CALCRL: variants seen among roughly 807,000 people sequenced by gnomAD.
CALCRL encodes the protein calcitonin receptor like receptor, also known as calcitonin gene-related peptide type 1 receptor.
In CALCRL, 27 loss-of-function variants were observed where a neutral mutation model predicts 60.4. That is an observed-to-expected ratio of 0.45 (90% CI 0.33 to 0.62). The LOEUF is 0.62. Ranked by LOEUF, CALCRL falls within the 20% of genes least tolerant of loss-of-function variation. The pLI is 0.03. For missense variants in CALCRL, 424 were observed against 540.7 expected (o/e 0.78, Z 2.14); for synonymous variants, 190 against 182.6 (o/e 1.04, Z -0.33).
intron 1 of CALCRL, among the ~76,000 whole-genome samples, chr2:187,430,462 G>T (rs1343636404): frequency 6.6e-6 from 1 of 152,126 alleles, no homozygotes; most frequent in African/African-American, 2.4e-5. Context: ...ACAAGTTAAT[G>T]CAGGACATTT....
chr2:187,352,091 C>G (rs749340059), intron 13 of CALCRL, 23 bp downstream of exon 13: 3 of 1,602,160 alleles, frequency 1.9e-6, no homozygotes, highest in Non-Finnish European at 2.6e-6. Context: ...TCTCAAGCTG[C>G]CTTCTTATCA....
intron 12 of CALCRL, among the ~76,000 whole-genome samples, chr2:187,354,647 A>G (rs1242026726): frequency 6.6e-6 from 1 of 152,040 alleles, no homozygotes; most frequent in African/African-American, 2.4e-5. Context: ...TCCGGACAGA[A>G]AAATAGGTTC....
intron 8 of CALCRL, among the ~76,000 whole-genome samples, chr2:187,366,021 A>C (rs1328591961): frequency 1.3e-5 from 2 of 151,828 alleles, no homozygotes; most frequent in African/African-American, 4.8e-5. Flanking sequence ...AGGCGGGTGG[A>C]TCATGAGGTC....
intron 3 of CALCRL, among the ~76,000 whole-genome samples, chr2:187,386,916 C>A (rs1688228299): frequency 1.3e-5 from 2 of 152,174 alleles, no homozygotes; most frequent in Admixed American, 1.3e-4. Context: ...CTCTTATCTG[C>A]TGCCATGATG....
rs774792248 is a variant in CALCRL at position 187,352,179 on chromosome 2, G to C, written c.1063C>G (p.Arg355Gly). ...TCCTCTGCAATCTTTCCTTCAGGTC[G>C]CCATGGAATCAGCACAAATTCAATG... ...LGIEFVLIPW[R>G]PEGKIAEEVY... The change falls in exon 13 of 15, where the codon CGA becomes GGA. Residue 355 changes from arginine to glycine, a missense_variant. Physicochemically the swap from Arg to Gly is moderately radical, Grantham distance 125. Coordinates refer to ENST00000392370, the MANE Select transcript of CALCRL (RefSeq NM_005795.6). 5.6e-6 allele frequency: 9 copies of C among 1,612,282 alleles called. No homozygotes were observed. Among genetic ancestry groups the C allele is most frequent in the Non-Finnish European group, 6.8e-6 (8 of 1,178,888 alleles).
chr2:187,411,095 A>T (rs775738390), intron 1 of CALCRL, among the ~76,000 whole-genome samples: 4 of 152,148 alleles, frequency 2.6e-5, no homozygotes, highest in Non-Finnish European at 4.4e-5. Context: ...ACCTTGCTAA[A>T]CAAATTTTCT....
chr2:187,386,934 C>T (rs989053817), intron 3 of CALCRL, among the ~76,000 whole-genome samples: 3 of 152,164 alleles, frequency 2.0e-5, no homozygotes, highest in African/African-American at 7.2e-5. Flanking sequence ...ATGTGATGTG[C>T]TTTTCACCTT....
At chr2:187,429,444 A>G (rs1690304164) in intron 1 of CALCRL, among the ~76,000 whole-genome samples, 1 of 152,226 alleles carries the variant, frequency 6.6e-6, no homozygotes, top group Non-Finnish European at 1.5e-5. Context: ...GTTTAGAGAC[A>G]GAAATTAGGA....
intron 14 of CALCRL, among the ~76,000 whole-genome samples, chr2:187,350,083 A>G (rs1281163304): frequency 1.3e-5 from 2 of 151,666 alleles, no homozygotes; most frequent in Admixed American, 1.3e-4. Flanking sequence ...CACAGCCAAG[A>G]TGAAAAGTAG....
At chr2:187,348,739 G>C (rs1326453196) in intron 14 of CALCRL, among the ~76,000 whole-genome samples, 1 of 151,488 alleles carries the variant, frequency 6.6e-6, no homozygotes, top group Admixed American at 6.6e-5. Context: ...AGACTTGTTT[G>C]TTTATGTTAT....
intron 1 of CALCRL, among the ~76,000 whole-genome samples, chr2:187,435,812 A>G (rs1415510359): frequency 6.6e-6 from 1 of 151,798 alleles, no homozygotes; most frequent in African/African-American, 2.4e-5. Flanking sequence ...ACACAAAGGA[A>G]TTTTGGAACA....
intron 1 of CALCRL, among the ~76,000 whole-genome samples, chr2:187,410,417 AAG>A (rs1162767699): frequency 6.6e-6 from 1 of 151,160 alleles, no homozygotes; most frequent in East Asian, 1.9e-4. Flanking sequence ...TTGAGAAAGA[AAG>A]AAAAAAAAAA....
In CALCRL at chr2:187,384,329, G is replaced by A. The variant is rs191193041; in HGVS notation, c.52-1024C>T. On this transcript the variant is annotated intron_variant, in intron 4 of 14. Coordinates refer to ENST00000392370, the MANE Select transcript of CALCRL (RefSeq NM_005795.6). ...GAAAATTAATATATTTGAAAAGCAC[G>A]TAACTCCTGTTCTTCCCAAAAAGTC... 4.3e-4 allele frequency among the ~76,000 whole-genome samples: 65 copies of A among 152,182 alleles called. 2 individuals are homozygous for A. In the East Asian group the frequency reaches 0.012, roughly 28 times the overall value.
intron 12 of CALCRL, among the ~76,000 whole-genome samples, chr2:187,358,049 G>A (rs1032673668): frequency 6.6e-6 from 1 of 152,046 alleles, no homozygotes; most frequent in Non-Finnish European, 1.5e-5. Context: ...TAGATTGCTA[G>A]TTTGTATTAA....
At chr2:187,393,243 A>G (rs1688522995) in intron 1 of CALCRL, among the ~76,000 whole-genome samples, 1 of 152,028 alleles carries the variant, frequency 6.6e-6, no homozygotes, top group Non-Finnish European at 1.5e-5. Flanking sequence ...AACCTTTTGG[A>G]GAAGAATTTA....
At chr2:187,388,413 G>A (rs1688294081) in intron 1 of CALCRL, among the ~76,000 whole-genome samples, 1 of 151,960 alleles carries the variant, frequency 6.6e-6, no homozygotes, top group South Asian at 2.1e-4. Context: ...TAGGATTTCT[G>A]TTAACAAAAA....
intron 8 of CALCRL, among the ~76,000 whole-genome samples, chr2:187,370,299 A>G (rs760979011): frequency 2.6e-5 from 4 of 152,258 alleles, no homozygotes; most frequent in Non-Finnish European, 5.9e-5. Flanking sequence ...AGAAAAATAA[A>G]CTGTCTATAA....
chr2:187,374,009 T>C (rs527886542), intron 8 of CALCRL, among the ~76,000 whole-genome samples: 2 of 152,012 alleles, frequency 1.3e-5, no homozygotes, highest in Non-Finnish European at 2.9e-5. Flanking sequence ...GAAAAAAATA[T>C]TTAAAAAATT....
rs572830398 is a variant in CALCRL, at chr2:187,408,045, A to T, written c.-292-20289T>A. ...CAGATTATTTTTATTTAATTTGTAA[A>T]ATAAGATACTAGACTAGATTCTCAA... On this transcript the variant is annotated intron_variant, in intron 1 of 14. Coordinates refer to ENST00000392370, the MANE Select transcript of CALCRL (RefSeq NM_005795.6). Among the ~76,000 whole-genome samples the T allele has an allele frequency of 2.8e-4, 43 of 152,178 alleles. No individual in the cohort carries two copies. In the South Asian group the frequency reaches 8.1e-3, roughly 29 times the overall value.
Sources: gnomAD v4.1 joint callset for allele counts (sites outside exome capture counted in the v4.1 genomes callset) on GRCh38, gnomAD v4.1.1 for gene constraint, MANE v1.5 for transcripts, NCBI Gene and HGNC (gene_info 2026-07-23, HGNC 2026-07-21) for gene names.